Variants in ASPRV1 observed in about 807,000 individuals in gnomAD.
ASPRV1 encodes the protein retroviral-like aspartic protease 1.
A neutral mutation model predicts 11.0 loss-of-function variants in ASPRV1; 7 were observed. The ratio of observed to expected loss-of-function variants is 0.64; its 90% CI spans 0.36 to 1.20. The LOEUF (loss-of-function observed/expected upper bound fraction) is 1.20, where lower values mean the gene tolerates loss of function less well. ASPRV1 is among the 50% of genes most tolerant of loss of function. The probability of loss-of-function intolerance (pLI) is 0.02; values close to 1 mark genes in which losing one functional copy is unlikely to be tolerated. For synonymous variants in ASPRV1, 136 were observed against 138.4 expected, an observed-to-expected ratio of 0.98 and a Z score of 0.12; for missense variants, 299 against 320.0, an observed-to-expected ratio of 0.93 and a Z score of 0.50.
the ASPRV1 span, among the ~76,000 whole-genome samples, chr2:69,982,116 T>A: frequency 1.3e-5 from 2 of 151,868 alleles, no homozygotes; most frequent in Non-Finnish European, 2.9e-5. Flanking sequence ...GCTGCAATGC[T>A]CAGGAGGCCT....
At chr2:69,961,981 G>A, upstream of ASPRV1, 1 of 352,194 alleles carries the variant, frequency 2.8e-6, no homozygotes, top group East Asian at 4.6e-5. Context: ...TCAGAGACCG[G>A]GGAAGCCGCC....
the ASPRV1 span, chr2:70,056,285 C>G: frequency 6.6e-6 from 1 of 152,092 alleles, no homozygotes; most frequent in South Asian, 2.1e-4. Flanking sequence ...TGTGAATATA[C>G]CTAAGACTAC....
At chr2:70,086,019 G>A in the ASPRV1 span, 1 of 152,194 alleles carries the variant, frequency 6.6e-6, no homozygotes, top group African/African-American at 2.4e-5. Context: ...CCACTATTAA[G>A]CTTTAAAAAG....
At chr2:70,058,739 G>A in the ASPRV1 span, among the ~76,000 whole-genome samples, 1 of 150,920 alleles carries the variant, frequency 6.6e-6, no homozygotes, top group African/African-American at 2.4e-5. Context: ...TTTTAGTAGA[G>A]ACAGGGTTTC....
the ASPRV1 span, among the ~76,000 whole-genome samples, chr2:69,948,475 G>A: frequency 6.6e-6 from 1 of 152,218 alleles, no homozygotes; most frequent in Non-Finnish European, 1.5e-5. Context: ...TTGCCAGATG[G>A]CACTGAGGGC....
chr2:69,949,434 G>GGT, the ASPRV1 span, among the ~76,000 whole-genome samples: 29 of 152,118 alleles, frequency 1.9e-4, no homozygotes, highest in African/African-American at 6.8e-4. Flanking sequence ...ACTAATCACT[G>GGT]GCCTTGATCA....
Position 69,961,518 on chromosome 2 carries a change from G to A in ASPRV1, c.-82C>T. Reference sequence around the variant, plus strand: ...AGAGCAGTGTCGGCGCAATCACGCTGGAAAACGGGGCCTCTCGAAGCAGAG... The same window carrying A: ...AGAGCAGTGTCGGCGCAATCACGCTAGAAAACGGGGCCTCTCGAAGCAGAG... On this transcript the variant is annotated 5_prime_UTR_variant, in exon 1 of 1. Transcript: ENST00000320256. 1 of 1,614,178 alleles carries A rather than the reference G, an allele frequency of 6.2e-7. No individual in the cohort carries two copies. Among genetic ancestry groups the A allele is most frequent in the Non-Finnish European group, 8.5e-7 (1 of 1,180,048 alleles).
chr2:69,965,326 C>T (rs554916197), upstream of ASPRV1, among the ~76,000 whole-genome samples: 6 of 152,324 alleles, frequency 3.9e-5, no homozygotes, highest in East Asian at 1.9e-4. Context: ...AGCCACCATG[C>T]CTGGCCCACC....
At chr2:70,086,304 G>T in the ASPRV1 span, 1 of 152,230 alleles carries the variant, frequency 6.6e-6, no homozygotes, top group Non-Finnish European at 1.5e-5. Context: ...CAAGGGTAAG[G>T]AACAGGGGAG....
the ASPRV1 span, among the ~76,000 whole-genome samples, chr2:70,024,543 CCT>C: frequency 1.5e-4 from 23 of 152,314 alleles, no homozygotes; most frequent in Non-Finnish European, 3.4e-4. Flanking sequence ...GGGCAGCACC[CCT>C]GTCAATCTGG....
At chr2:69,942,060 A>G in the ASPRV1 span, 2 of 152,100 alleles carry the variant, frequency 1.3e-5, no homozygotes, top group Non-Finnish European at 2.9e-5. Context: ...TGTTTCCCCA[A>G]GTTTGTCTGT....
chr2:70,065,330 G>C, the ASPRV1 span, among the ~76,000 whole-genome samples: 1 of 137,064 alleles, frequency 7.3e-6, no homozygotes, highest in African/African-American at 2.8e-5. Context: ...GGCGGAGCTT[G>C]CAATGAGCCG....
the ASPRV1 span, among the ~76,000 whole-genome samples, chr2:69,991,659 T>C: frequency 6.6e-6 from 1 of 152,220 alleles, no homozygotes; most frequent in African/African-American, 2.4e-5. Flanking sequence ...GCGATTCTCC[T>C]GCCTCAGTCT....
At chr2:69,934,443 G>A in the ASPRV1 span, among the ~76,000 whole-genome samples, 14 of 152,290 alleles carry the variant, frequency 9.2e-5, no homozygotes, top group African/African-American at 3.4e-4. Context: ...CGTGGCTGCT[G>A]CTTCATCCAG....
the ASPRV1 span, among the ~76,000 whole-genome samples, chr2:70,038,648 G>A: frequency 6.6e-6 from 1 of 152,222 alleles, no homozygotes; most frequent in Non-Finnish European, 1.5e-5. Flanking sequence ...ACACACAGAA[G>A]TGAACCCAGA....
the ASPRV1 span, chr2:69,970,717 G>T: frequency 1.3e-5 from 2 of 152,286 alleles, no homozygotes; most frequent in African/African-American, 4.8e-5. Context: ...TTGGCCTTTG[G>T]TCTCATCCAC....
chr2:69,949,254 CG>C, the ASPRV1 span, among the ~76,000 whole-genome samples: 1 of 150,684 alleles, frequency 6.6e-6, no homozygotes, highest in Admixed American at 6.6e-5. Flanking sequence ...GATGGATGGG[CG>C]AATGAATGAA....
At chr2:70,026,605 CA>C in the ASPRV1 span, among the ~76,000 whole-genome samples, 155 of 144,874 alleles carry the variant, frequency 1.1e-3, no homozygotes, top group African/African-American at 3.9e-3. Flanking sequence ...CTAACAATAG[CA>C]AAAAAAAATA....
the ASPRV1 span, among the ~76,000 whole-genome samples, chr2:69,986,097 G>A: frequency 2.4e-4 from 37 of 152,320 alleles, no homozygotes; most frequent in African/African-American, 8.2e-4. Context: ...CTCAGAGCAG[G>A]GGGCCTGTCA....
Sources: gnomAD v4.1 joint callset for allele counts (sites outside exome capture counted in the v4.1 genomes callset) on GRCh38, gnomAD v4.1.1 for gene constraint, MANE v1.5 for transcripts, NCBI Gene and HGNC (gene_info 2026-07-23, HGNC 2026-07-21) for gene names.